Variants in RALGPS1 observed in about 807,000 individuals in gnomAD.
The protein encoded by RALGPS1 is ras-specific guanine nucleotide-releasing factor RalGPS1.
A neutral mutation model predicts 78.8 loss-of-function variants in RALGPS1; 19 were observed. The ratio of observed to expected loss-of-function variants is 0.24; its 90% confidence interval spans 0.17 to 0.35. The LOEUF (loss-of-function observed/expected upper bound fraction) is 0.35, where lower values mean the gene tolerates loss of function less well. Among genes scored for constraint, RALGPS1 ranks in the 10% least tolerant of loss-of-function variants. RALGPS1 has a pLI of 1.00. For synonymous variants in RALGPS1, 228 were observed against 256.3 expected, an observed-to-expected ratio of 0.89 and a Z score of 1.06; for missense variants, 454 against 688.3, an observed-to-expected ratio of 0.66 and a Z score of 3.81.
chr9:126,970,228 T>C (rs2132414927), intron 3 of RALGPS1, among the ~76,000 whole-genome samples: 1 of 152,234 alleles, frequency 6.6e-6, no homozygotes, highest in Middle Eastern at 3.4e-3. Context: ...CAAGTTATCG[T>C]CATCACCCCC....
intron 3 of RALGPS1, among the ~76,000 whole-genome samples, chr9:126,974,490 A>G (rs1291688667): frequency 2.0e-5 from 3 of 152,194 alleles, no homozygotes; most frequent in Non-Finnish European, 4.4e-5. Flanking sequence ...TTAGTCAGCC[A>G]CTGTTAGAGA....
In RALGPS1 at chr9:127,218,122, A is replaced by G. The variant is rs1033318842; in HGVS notation, c.1645-618A>G. Among the ~76,000 whole-genome samples, 1 of 151,956 alleles carries G rather than the reference A, an allele frequency of 6.6e-6. No individual in the cohort carries two copies. Among genetic ancestry groups the G allele is most frequent in the Non-Finnish European group, 1.5e-5 (1 of 67,988 alleles). ...CCTCCCACAGCAGTGCTGAGGGAGG[A>G]GGTCTGGGGCTGAGGACCTGTTGGC... On this transcript the variant is annotated intron_variant, in intron 18 of 18. Transcript: ENST00000259351. The surrounding 1 kb of genome is among the most constrained non-coding windows in gnomAD (Gnocchi z 4.4).
chr9:127,015,569 A>G (rs1271261785), intron 4 of RALGPS1, among the ~76,000 whole-genome samples: 1 of 152,072 alleles, frequency 6.6e-6, no homozygotes, highest in African/African-American at 2.4e-5. Flanking sequence ...GTGTGTTCCC[A>G]CTGTATTCTC....
intron 9 of RALGPS1, among the ~76,000 whole-genome samples, chr9:127,166,932 G>T (rs1423574899): frequency 6.6e-6 from 1 of 151,974 alleles, no homozygotes; most frequent in African/African-American, 2.4e-5. Flanking sequence ...GACTTGGGGT[G>T]TGGAGCTTGA....
intron 11 of RALGPS1, among the ~76,000 whole-genome samples, chr9:127,185,649 T>C (rs1189689584): frequency 6.6e-6 from 1 of 152,240 alleles, no homozygotes; most frequent in African/African-American, 2.4e-5. Context: ...ACCATCATTA[T>C]TGTTGTAGTT....
intron 5 of RALGPS1, among the ~76,000 whole-genome samples, chr9:127,048,220 A>C (rs2047987432): frequency 6.6e-6 from 1 of 150,382 alleles, no homozygotes. Context: ...CACAACCCCC[A>C]CCCACAGCAC....
chr9:127,135,756 T>C (rs1444627974), intron 8 of RALGPS1, among the ~76,000 whole-genome samples: 1 of 152,030 alleles, frequency 6.6e-6, no homozygotes, highest in African/African-American at 2.4e-5. Flanking sequence ...CAAGGGGACT[T>C]GGTAAAGAGC....
At chr9:127,107,668 G>A (rs1424040507) in intron 8 of RALGPS1, among the ~76,000 whole-genome samples, 1 of 152,174 alleles carries the variant, frequency 6.6e-6, no homozygotes, top group African/African-American at 2.4e-5. Flanking sequence ...ACCAGAGAGT[G>A]TTTGCCCTCT....
chr9:127,073,922 C>T (rs1284925979), intron 8 of RALGPS1, among the ~76,000 whole-genome samples: 1 of 152,142 alleles, frequency 6.6e-6, no homozygotes, highest in Non-Finnish European at 1.5e-5. Flanking sequence ...ACCCTTGTTG[C>T]CCAGGCTGGA....
chr9:126,946,533 CA>C (rs61279292), intron 1 of RALGPS1, among the ~76,000 whole-genome samples: 21,769 of 75,504 alleles, frequency 0.29, 1,491 homozygotes, highest in East Asian at 0.52. Context: ...GAATCTGTCT[CA>C]AAAAAAAAAA....
At chr9:127,011,184 C>CT (rs1295584646) in intron 4 of RALGPS1, among the ~76,000 whole-genome samples, 14 of 148,040 alleles carry the variant, frequency 9.5e-5, no homozygotes, top group South Asian at 4.3e-4. Context: ...CCCAGCCCGC[C>CT]TTTTTTTTTT....
chr9:127,022,286 G>A (rs936682437), intron 4 of RALGPS1, among the ~76,000 whole-genome samples: 3 of 151,994 alleles, frequency 2.0e-5, no homozygotes, highest in Non-Finnish European at 4.4e-5. Flanking sequence ...GCCCTTAACA[G>A]GTATTTATTT....
At chr9:127,084,792 C>A (rs1249139395) in intron 8 of RALGPS1, among the ~76,000 whole-genome samples, 1 of 152,262 alleles carries the variant, frequency 6.6e-6, no homozygotes, top group Admixed American at 6.5e-5. Flanking sequence ...CAGGGATGAT[C>A]TTGCAGCTTT....
intron 11 of RALGPS1, among the ~76,000 whole-genome samples, chr9:127,182,479 G>A (rs1212969955): frequency 1.4e-5 from 2 of 147,074 alleles, no homozygotes; most frequent in Admixed American, 1.4e-4. Context: ...ACCCAGGCTG[G>A]AGTGCAGTGA....
chr9:127,008,850 A>G (rs965371145), intron 4 of RALGPS1, among the ~76,000 whole-genome samples: 2 of 152,242 alleles, frequency 1.3e-5, no homozygotes, highest in Non-Finnish European at 2.9e-5. Context: ...ATCAATGCTC[A>G]GGAAATGGCT....
chr9:127,078,341 C>G (rs1564535415), intron 8 of RALGPS1, among the ~76,000 whole-genome samples: 1 of 152,080 alleles, frequency 6.6e-6, no homozygotes, highest in Non-Finnish European at 1.5e-5. Flanking sequence ...TAGTCTTTCT[C>G]ATTTGTTACA....
rs962759403 is a variant in RALGPS1, at chr9:127,112,339, C to A, written c.610+42983C>A. The stretch of plus-strand genomic sequence containing the variant: ...ACCCCAGAACAATGGGGAGGAGCCG[C>A]CCCCGACCCTGGGCTAGGGCAGGCC... On this transcript the variant is annotated intron_variant, in intron 8 of 18. Transcript: ENST00000259351. Among the ~76,000 whole-genome samples, 64 of 152,220 alleles carry A rather than the reference C, an allele frequency of 4.2e-4. 2 individuals are homozygous for A. The highest frequency in any genetic ancestry group is 4.4e-5 in the Non-Finnish European group (3 of 68,030).
intron 5 of RALGPS1, among the ~76,000 whole-genome samples, chr9:127,046,367 T>C (rs561199581): frequency 2.6e-5 from 4 of 152,296 alleles, no homozygotes; most frequent in African/African-American, 9.6e-5. Flanking sequence ...CAATGGGCTT[T>C]TAAAAATTGT....
chr9:127,210,535 T>C, intron 14 of RALGPS1: 1 of 614,630 alleles, frequency 1.6e-6, no homozygotes, highest in Non-Finnish European at 2.9e-6. Context: ...GGTGTGCTTG[T>C]AGTGTGGCCG....
Sources: gnomAD v4.1 joint callset for allele counts (sites outside exome capture counted in the v4.1 genomes callset) on GRCh38, gnomAD v4.1.1 for gene constraint, Gnocchi (gnomAD v3.1) non-coding constraint, MANE v1.5 for transcripts, NCBI Gene and HGNC (gene_info 2026-07-23, HGNC 2026-07-21) for gene names.